Variants in TCF7L2 observed in about 807,000 individuals in gnomAD.
TCF7L2 encodes transcription factor 7-like 2.
Under a neutral mutation model 77.9 loss-of-function variants are expected in TCF7L2, and 23 were observed. The ratio of observed to expected loss-of-function variants is 0.30; its 90% CI spans 0.21 to 0.42. TCF7L2 has a LOEUF of 0.42. TCF7L2 is among the 10% of genes least tolerant of loss of function. The pLI, the probability that TCF7L2 is intolerant of heterozygous loss-of-function variation, is 1.00. For missense variants in TCF7L2, 654 were observed against 793.1 expected (o/e 0.82, Z 2.11); for synonymous variants, 413 against 340.2 (o/e 1.21, Z -2.36).
intron 4 of TCF7L2, among the ~76,000 whole-genome samples, chr10:113,027,888 C>T (rs1038312767): frequency 1.3e-5 from 2 of 152,094 alleles, no homozygotes; most frequent in African/African-American, 4.8e-5. Flanking sequence ...TCCCATGGAA[C>T]GTGAAGAAGG....
At chr10:113,124,214 G>A (rs968238611) in intron 5 of TCF7L2, among the ~76,000 whole-genome samples, 1 of 151,984 alleles carries the variant, frequency 6.6e-6, no homozygotes, top group Non-Finnish European at 1.5e-5. Context: ...TTTTTTATGA[G>A]AACTTTGCCA....
chr10:112,962,984 G>T (rs976784201), intron 3 of TCF7L2, among the ~76,000 whole-genome samples: 1 of 152,156 alleles, frequency 6.6e-6, no homozygotes, highest in African/African-American at 2.4e-5. Flanking sequence ...GGGCAATGTG[G>T]TTCATTACTC....
At chr10:113,106,602 G>T (rs1232200887) in intron 5 of TCF7L2, among the ~76,000 whole-genome samples, 2 of 152,184 alleles carry the variant, frequency 1.3e-5, no homozygotes, top group Non-Finnish European at 2.9e-5. Context: ...TGGTGATGAG[G>T]ATGGATTAAT....
chr10:112,987,085 C>A (rs1450151704), intron 4 of TCF7L2, among the ~76,000 whole-genome samples: 1 of 152,096 alleles, frequency 6.6e-6, no homozygotes, highest in African/African-American at 2.4e-5. Context: ...CCGAGTTGTT[C>A]ATTTCTTTTG....
rs762580937 is a variant in TCF7L2, at chr10:113,167,326, T to C, written c.*1354T>C. On this transcript the variant is annotated 3_prime_UTR_variant, in exon 14 of 14. Transcript: ENST00000627217. Reference sequence around the variant, plus strand: ...GCCGCTTTTATGTACACATATTACATACGAGTAGGCAGCAGACTTTAAAAA... The same window carrying C: ...GCCGCTTTTATGTACACATATTACACACGAGTAGGCAGCAGACTTTAAAAA... The C allele has an allele frequency of 8.8e-6, 2 of 227,196 alleles. No individual in the cohort carries two copies. The highest frequency in any genetic ancestry group is 2.2e-5 in the African/African-American group (1 of 45,006). The allele number at this position is 227,196 out of a possible 1,614,324, so 14.1% of individuals were successfully genotyped here.
intron 5 of TCF7L2, among the ~76,000 whole-genome samples, chr10:113,097,428 G>A (rs1388058753): frequency 6.6e-6 from 1 of 152,082 alleles, no homozygotes. Flanking sequence ...CAAGGCGGGT[G>A]AATCACCTGA....
intron 4 of TCF7L2, among the ~76,000 whole-genome samples, chr10:113,004,218 AGT>A (rs2045072974): frequency 6.6e-6 from 1 of 152,198 alleles, no homozygotes; most frequent in African/African-American, 2.4e-5. Context: ...CAGGAAGAAC[AGT>A]GTGAGCCACT....
chr10:113,104,920 C>A (rs999618477), intron 5 of TCF7L2, among the ~76,000 whole-genome samples: 5 of 152,174 alleles, frequency 3.3e-5, no homozygotes, highest in African/African-American at 1.2e-4. Flanking sequence ...ACTCAGCCCC[C>A]GCTTATTCAA....
intron 5 of TCF7L2, among the ~76,000 whole-genome samples, chr10:113,078,357 G>C (rs1267374720): frequency 6.6e-6 from 1 of 152,124 alleles, no homozygotes; most frequent in Non-Finnish European, 1.5e-5. Context: ...AGACACTAAA[G>C]ACTTTTTAAT....
chr10:113,001,902 A>T (rs2044554639), intron 4 of TCF7L2, among the ~76,000 whole-genome samples: 1 of 152,160 alleles, frequency 6.6e-6, no homozygotes. Context: ...CTTGTCTCTG[A>T]TTATCAGCAT....
chr10:113,004,978 T>C (rs1040562460), intron 4 of TCF7L2, among the ~76,000 whole-genome samples: 4 of 152,070 alleles, frequency 2.6e-5, no homozygotes, highest in African/African-American at 9.7e-5. Flanking sequence ...CAGCCTAGGG[T>C]TCCATTTCTT....
intron 4 of TCF7L2, among the ~76,000 whole-genome samples, chr10:113,035,037 C>T (rs1037791708): frequency 3.4e-5 from 5 of 148,212 alleles, no homozygotes; most frequent in Admixed American, 2.1e-4. Context: ...TTCTCTCTTT[C>T]TTTCAACAGG....
At chr10:113,150,237 T>C (rs545081042) in intron 8 of TCF7L2, among the ~76,000 whole-genome samples, 1 of 152,278 alleles carries the variant, frequency 6.6e-6, no homozygotes, top group Non-Finnish European at 1.5e-5. Context: ...GTAAAAGTGA[T>C]ATAGGAATCC....
chr10:113,011,931 T>C (rs895698383), intron 4 of TCF7L2, among the ~76,000 whole-genome samples: 4 of 152,024 alleles, frequency 2.6e-5, no homozygotes, highest in African/African-American at 4.8e-5. Context: ...ATTACTACCT[T>C]GAGTATTGCT....
intron 5 of TCF7L2, among the ~76,000 whole-genome samples, chr10:113,131,510 C>G (rs978445893): frequency 2.6e-5 from 4 of 152,280 alleles, no homozygotes; most frequent in South Asian, 4.2e-4. Flanking sequence ...AGGTTCTAGA[C>G]CCTAGTTTAC....
rs2137652467 is a variant in TCF7L2 at position 113,165,763 on chromosome 10, C to A, written c.1600C>A (p.Pro534Thr). The A allele has an allele frequency of 6.2e-7, 1 of 1,609,660 alleles. No homozygotes were observed. Among genetic ancestry groups the A allele is most frequent in the Non-Finnish European group, 8.5e-7 (1 of 1,177,706 alleles). Residue 534 changes from proline (P) to threonine (T), a missense_variant, in exon 14 of 14, where the codon CCG becomes ACG. Coordinates refer to ENST00000627217, the MANE Select transcript of TCF7L2 (RefSeq NM_001146274.2). ...CCTGGCCCACCTGTCCATGATGCCT[C>A]CGCCACCCGCCCTCCTGCTCGCTGA... is the stretch of plus-strand genomic sequence containing the variant.
At chr10:113,138,524 C>T (rs995591582) in intron 5 of TCF7L2, among the ~76,000 whole-genome samples, 2 of 152,168 alleles carry the variant, frequency 1.3e-5, no homozygotes, top group Non-Finnish European at 2.9e-5. Context: ...TCCCCTTAGT[C>T]CTGCTTAGAA....
chr10:112,990,968 G>T (rs1187179395), intron 4 of TCF7L2, among the ~76,000 whole-genome samples: 1 of 152,094 alleles, frequency 6.6e-6, no homozygotes, highest in African/African-American at 2.4e-5. Context: ...TATTTTTCCA[G>T]CTCAGGACTG....
At position 113,085,076 on chromosome 10, in the gene TCF7L2, T is replaced by C. The variant is rs941494086; in HGVS notation, c.552+44950T>C. 2.6e-5 allele frequency among the ~76,000 whole-genome samples: 4 copies of C among 152,164 alleles called. No homozygotes were observed. The South Asian group carries it at 8.3e-4, about 32-fold the overall frequency. On this transcript the variant is annotated intron_variant, in intron 5 of 13. Transcript: ENST00000627217. ...CCAATGTTACTCTGATTGACACCTT[T>C]CTTTTTTTTTATTCAGGTTTCCCTC...
Sources: allele counts gnomAD v4.1 joint callset (sites outside exome capture counted in the v4.1 genomes callset), GRCh38; gene constraint gnomAD v4.1.1; transcripts MANE v1.5; gene names NCBI Gene and HGNC (gene_info 2026-07-23, HGNC 2026-07-21).